Variants in RABEPK observed in about 807,000 individuals in gnomAD.
The protein encoded by RABEPK is 40 kDa Rab9 effector protein.
Under a neutral mutation model 34.1 loss-of-function variants are expected in RABEPK, and 27 were observed. The observed-to-expected ratio is 0.79, with a 90% CI of 0.58 to 1.09. The LOEUF (loss-of-function observed/expected upper bound fraction) is 1.09. Ranked by LOEUF, RABEPK falls within the 50% of genes least tolerant of loss-of-function variation. The pLI, the probability that RABEPK is intolerant of heterozygous loss-of-function variation, is 0.00. For synonymous variants in RABEPK, 172 were observed against 169.2 expected, an observed-to-expected ratio of 1.02 and a Z score of -0.13; for missense variants, 449 against 462.6, an observed-to-expected ratio of 0.97 and a Z score of 0.27.
chr9:125,226,743 A>G (rs943521669), intron 5 of RABEPK, among the ~76,000 whole-genome samples: 1 of 152,102 alleles, frequency 6.6e-6, no homozygotes, highest in African/African-American at 2.4e-5. Context: ...ATGTGGCTGT[A>G]GTCCCAGCTA....
intron 5 of RABEPK, among the ~76,000 whole-genome samples, chr9:125,227,154 G>C (rs1212361706): frequency 6.6e-6 from 1 of 151,882 alleles, no homozygotes; most frequent in Non-Finnish European, 1.5e-5. Context: ...TGGGCGACAA[G>C]ACCGAAACTT....
chr9:125,211,208 G>A (rs1057168492), intron 3 of RABEPK, among the ~76,000 whole-genome samples: 2 of 151,078 alleles, frequency 1.3e-5, no homozygotes, highest in Non-Finnish European at 2.9e-5. Flanking sequence ...CTGCACTCCA[G>A]CCTGGGTGAT....
chr9:125,226,726 T>C (rs1000007922), intron 5 of RABEPK, among the ~76,000 whole-genome samples: 2 of 151,362 alleles, frequency 1.3e-5, no homozygotes, highest in Non-Finnish European at 2.9e-5. Flanking sequence ...TAGCTGGGGG[T>C]GGTGGCATGT....
chr9:125,217,847 C>A (rs1831032797), intron 4 of RABEPK, among the ~76,000 whole-genome samples: 1 of 152,102 alleles, frequency 6.6e-6, no homozygotes, highest in African/African-American at 2.4e-5. Flanking sequence ...ATAGAGACAG[C>A]TACATTTTGC....
chr9:125,215,292 T>G (rs934401244), intron 4 of RABEPK, among the ~76,000 whole-genome samples: 41 of 151,756 alleles, frequency 2.7e-4, no homozygotes, highest in African/African-American at 8.9e-4. Context: ...TTGTTTTTTT[T>G]GGGTTTTTTT....
rs1232894123 is a variant in RABEPK at position 125,210,328 on chromosome 9, C to T, written c.211+2607C>T. Reference sequence around the variant, plus strand: ...CTGAGGCAGGAGAATGGCGTGAATCCGGGAGGCGGAGCTTGCAGTGAGTGG... The same window carrying T: ...CTGAGGCAGGAGAATGGCGTGAATCTGGGAGGCGGAGCTTGCAGTGAGTGG... On this transcript the variant is annotated intron_variant, in intron 3 of 7. Transcript: ENST00000373538. 3.4e-5 allele frequency among the ~76,000 whole-genome samples: 5 copies of T among 145,676 alleles called. No individual in the cohort carries two copies. The East Asian group carries it at 6.2e-4, about 18-fold the overall frequency.
intron 2 of RABEPK, among the ~76,000 whole-genome samples, chr9:125,205,131 T>C (rs968817767): frequency 1.6e-4 from 24 of 152,102 alleles, no homozygotes; most frequent in African/African-American, 5.3e-4. Flanking sequence ...CCTACCCAGC[T>C]AATTTCTACT....
intron 4 of RABEPK, among the ~76,000 whole-genome samples, chr9:125,218,711 A>ATCTGTCTC (rs1310515888): frequency 3.0e-4 from 46 of 152,126 alleles, no homozygotes; most frequent in South Asian, 1.9e-3. Flanking sequence ...ATGTCACTTT[A>ATCTGTCTC]TCTGTCTCTC....
chr9:125,207,482 A>G (rs1830297443), intron 2 of RABEPK, 82 bp from the exon 3 acceptor site: 2 of 1,435,278 alleles, frequency 1.4e-6, no homozygotes, highest in South Asian at 2.4e-5. Context: ...CATTCTGGTG[A>G]ATATTTCATG....
intron 3 of RABEPK, among the ~76,000 whole-genome samples, chr9:125,212,261 T>C (rs933876328): frequency 6.6e-6 from 1 of 152,196 alleles, no homozygotes; most frequent in Admixed American, 6.6e-5. Context: ...GGAGTCTTAC[T>C]GTGTCACCCA....
chr9:125,203,092 G>C (rs369214346), intron 2 of RABEPK, 26 bp downstream of exon 2: 71 of 1,598,090 alleles, frequency 4.4e-5, no homozygotes, highest in Non-Finnish European at 3.9e-5. Context: ...TCCAGACACA[G>C]AAAAGCATGA....
chr9:125,232,825 C>T, intron 7 of RABEPK, 80 bp downstream of exon 7: 1 of 1,440,154 alleles, frequency 6.9e-7, no homozygotes, highest in African/African-American at 1.4e-5. Flanking sequence ...CGCCTGTAAT[C>T]CCAGCACTTT....
intron 4 of RABEPK, among the ~76,000 whole-genome samples, chr9:125,218,321 C>CA (rs71374234): frequency 0.087 from 3,569 of 41,070 alleles, 1,065 homozygotes; most frequent in East Asian, 0.25. Context: ...GACTCCGTCT[C>CA]AAAAAAAAAA....
intron 4 of RABEPK, among the ~76,000 whole-genome samples, chr9:125,217,983 G>C (rs1429445567): frequency 6.6e-6 from 1 of 151,910 alleles, no homozygotes; most frequent in Non-Finnish European, 1.5e-5. Context: ...GAATTTCTTG[G>C]TGTGTTATGG....
intron 5 of RABEPK, among the ~76,000 whole-genome samples, chr9:125,223,822 C>A (rs1333696914): frequency 6.6e-6 from 1 of 151,830 alleles, no homozygotes; most frequent in African/African-American, 2.4e-5. Context: ...ACTGGGGACT[C>A]CTTGAACAAC....
At chr9:125,232,565 C>T in intron 6 of RABEPK, 31 bp from the exon 7 acceptor site, 3 of 1,596,248 alleles carry the variant, frequency 1.9e-6, no homozygotes, top group Non-Finnish European at 2.6e-6. Context: ...TTAGCCCATG[C>T]TGCGCCAAAG....
intron 3 of RABEPK, among the ~76,000 whole-genome samples, chr9:125,211,180 T>C (rs1830571639): frequency 6.7e-6 from 1 of 149,796 alleles, no homozygotes; most frequent in Non-Finnish European, 1.5e-5. Context: ...GAGCTTGCAG[T>C]GAGCCGAGAT....
intron 6 of RABEPK, among the ~76,000 whole-genome samples, chr9:125,229,478 A>G (rs904121762): frequency 6.6e-6 from 1 of 152,206 alleles, no homozygotes; most frequent in Non-Finnish European, 1.5e-5. Context: ...TCTTATGTGT[A>G]GGTAACTTGA....
chr9:125,209,201 C>A (rs1303643647), intron 3 of RABEPK, among the ~76,000 whole-genome samples: 1 of 151,454 alleles, frequency 6.6e-6, no homozygotes, highest in Non-Finnish European at 1.5e-5. Flanking sequence ...GCTGGGATTA[C>A]AGGTGTGCGC....
Sources: allele counts gnomAD v4.1 joint callset (sites outside exome capture counted in the v4.1 genomes callset), GRCh38; gene constraint gnomAD v4.1.1; transcripts MANE v1.5; gene names NCBI Gene and HGNC (gene_info 2026-07-23, HGNC 2026-07-21).